Variants in EPG5 observed in about 807,000 individuals in gnomAD.
The protein encoded by EPG5 is ectopic P-granules 5 autophagy tethering factor.
Under a neutral mutation model 302.7 loss-of-function variants are expected in EPG5, and 159 were observed. The observed-to-expected ratio is 0.53, with a 90% confidence interval of 0.46 to 0.60. The LOEUF (loss-of-function observed/expected upper bound fraction) is 0.60. EPG5 is among the 20% of genes least tolerant of loss of function. The pLI is 0.00. For missense variants in EPG5, 2,896 were observed against 3,092.4 expected (o/e 0.94, Z 1.51); for synonymous variants, 1,158 against 1,136.8 (o/e 1.02, Z -0.37).
intron 5 of EPG5, among the ~76,000 whole-genome samples, chr18:45,949,196 A>C (rs1267046940): frequency 6.6e-6 from 1 of 152,142 alleles, no homozygotes; most frequent in South Asian, 2.1e-4. Flanking sequence ...ACGGGAAAAA[A>C]GTCCTGGTGA....
intron 36 of EPG5, chr18:45,868,073 C>T (rs1170994229): frequency 1.1e-5 from 5 of 474,470 alleles, no homozygotes; most frequent in Admixed American, 9.3e-5. Context: ...GGGAGTGTAT[C>T]AGAATCCTCA....
intron 3 of EPG5, among the ~76,000 whole-genome samples, 161 bp from the exon 4 acceptor site, chr18:45,951,399 A>G (rs58312765): frequency 3.3e-5 from 5 of 152,226 alleles, no homozygotes; most frequent in African/African-American, 9.6e-5. Context: ...ATAAACAGAC[A>G]AGTCAAAAAT....
At chr18:45,939,800 A>C in intron 9 of EPG5, 45 bp from the exon 10 acceptor site, 1 of 1,544,108 alleles carries the variant, frequency 6.5e-7, no homozygotes, top group Non-Finnish European at 8.9e-7. Flanking sequence ...TTAGCTCAAT[A>C]TCTGCACCTT....
At chr18:45,916,363 C>T in intron 18 of EPG5, 75 bp downstream of exon 18, 2 of 1,567,938 alleles carry the variant, frequency 1.3e-6, no homozygotes, top group Non-Finnish European at 1.7e-6. Context: ...TGACTAAAAC[C>T]TAAGTGTGCT....
chr18:45,967,256 C>T lies in EPG5; in HGVS notation c.-17G>A, dbSNP rs879032269. The T allele has an allele frequency of 1.9e-6, 3 of 1,579,512 alleles. No homozygotes were observed. The highest frequency in any genetic ancestry group is 2.3e-5 in the East Asian group (1 of 42,860). On this transcript the variant is annotated 5_prime_UTR_variant, in exon 1 of 44. Transcript: ENST00000282041. ...CTCGGCCATAGACCCTTCCGCGGCG[C>T]CGTCACCGTTTGTTTTTGTCAAACC...
intron 14 of EPG5, 87 bp downstream of exon 14, chr18:45,925,651 C>T (rs148205430): frequency 1.8e-6 from 2 of 1,081,842 alleles, no homozygotes; most frequent in African/African-American, 3.3e-5. Context: ...AAATGGTACT[C>T]AGAAATGTTA....
At position 45,922,379 on chromosome 18, in the gene EPG5, G is replaced by T; in HGVS notation, c.3060C>A (p.Gly1020=). ...CTGTCATAGATAAGGCTAGATAACA[G>T]CCAATGGGCATGCCCGCTTTCACAG... is the stretch of plus-strand genomic sequence containing the variant. The part of the protein sequence containing the change: ...LKAVKAGMPI[G]CYLALSMTAV... Residue 1020 remains glycine (G), a synonymous_variant, in exon 16 of 44, where the codon GGC becomes GGA. Transcript: ENST00000282041. The T allele has an allele frequency of 6.2e-7, 1 of 1,614,192 alleles. No individual in the cohort carries two copies. The highest frequency in any genetic ancestry group is 8.5e-7 in the Non-Finnish European group (1 of 1,180,046).
At position 45,930,254 on chromosome 18, in the gene EPG5, T is replaced by A. The variant is rs572665433; in HGVS notation, c.2412+422A>T. ...TTTTTGATGTGAGATGGCCAATTAA[T>A]AGCAGAGTTAAAACTCAGGTATCCT... On this transcript the variant is annotated intron_variant, in intron 12 of 43. Transcript: ENST00000282041. Among the ~76,000 whole-genome samples the A allele has an allele frequency of 2.2e-3, 332 of 152,306 alleles. 1 individual carries two copies. Among genetic ancestry groups the A allele is most frequent in the Non-Finnish European group, 3.9e-3 (268 of 68,024 alleles).
rs539106903 is a variant in EPG5 at position 45,876,908 on chromosome 18, C to T, written c.5943-566G>A. Among the ~76,000 whole-genome samples the T allele has an allele frequency of 1.1e-4, 16 of 152,164 alleles. No individual in the cohort carries two copies. The South Asian group carries it at 3.3e-3, about 32-fold the overall frequency. On this transcript the variant is annotated intron_variant, in intron 34 of 43. Coordinates refer to ENST00000282041, the MANE Select transcript of EPG5 (RefSeq NM_020964.3). ...AAGCAACTCTTCTGCATCAGCCTCCCGAGCAACTGGGGTTGCAGGCACCGA... is the reference window on the plus strand; with the variant it reads ...AAGCAACTCTTCTGCATCAGCCTCCTGAGCAACTGGGGTTGCAGGCACCGA...
the EPG5 span, among the ~76,000 whole-genome samples, chr18:45,813,185 T>C: frequency 4.6e-5 from 7 of 152,182 alleles, no homozygotes; most frequent in Non-Finnish European, 5.9e-5. Flanking sequence ...TGACTGGCCA[T>C]CAAAGAAATG....
chr18:45,911,127 AC>A (rs2049888649), intron 22 of EPG5, among the ~76,000 whole-genome samples: 1 of 149,702 alleles, frequency 6.7e-6, no homozygotes, highest in Non-Finnish European at 1.5e-5. Context: ...ATATATATAT[AC>A]ATTTTTTTTT....
intron 40 of EPG5, 102 bp from the exon 41 acceptor site, chr18:45,858,884 A>G: frequency 1.3e-6 from 1 of 792,018 alleles, no homozygotes; most frequent in Non-Finnish European, 2.1e-6. Flanking sequence ...TTTTTTTTTG[A>G]CATAGCAACC....
At chr18:45,944,271 T>C (rs537372823) in intron 7 of EPG5, 152 bp from the exon 8 acceptor site, 2 of 577,432 alleles carry the variant, frequency 3.5e-6, no homozygotes, top group East Asian at 2.8e-5. Context: ...CAGCAATTTA[T>C]AGTATCAGTT....
intron 39 of EPG5, among the ~76,000 whole-genome samples, chr18:45,861,652 G>A (rs537663237): frequency 6.6e-6 from 1 of 152,296 alleles, no homozygotes; most frequent in African/African-American, 2.4e-5. Flanking sequence ...GACTTGCCAG[G>A]CTGATGCTAA....
chr18:45,901,278 A>G (rs980170647), intron 25 of EPG5, 111 bp from the exon 26 acceptor site: 7 of 883,522 alleles, frequency 7.9e-6, no homozygotes, highest in Non-Finnish European at 1.0e-5. Flanking sequence ...TTATAGTCTT[A>G]CGATAGTTGA....
At chr18:45,837,066 C>T in the EPG5 span, 6 of 1,596,000 alleles carry the variant, frequency 3.8e-6, no homozygotes, top group African/African-American at 1.3e-5. Flanking sequence ...CTACGGAGAA[C>T]TTGCTCAACA....
chr18:45,951,703 C>G (rs2050913056), intron 3 of EPG5, among the ~76,000 whole-genome samples: 1 of 152,126 alleles, frequency 6.6e-6, no homozygotes, highest in Admixed American at 6.5e-5. Context: ...AAGTGATCCA[C>G]CCACCTCAGC....
intron 34 of EPG5, among the ~76,000 whole-genome samples, chr18:45,877,428 T>G (rs1050611214): frequency 4.0e-5 from 6 of 151,822 alleles, no homozygotes; most frequent in African/African-American, 1.5e-4. Context: ...TAAAAAAAAT[T>G]TTTTTTTATT....
intron 1 of EPG5, among the ~76,000 whole-genome samples, chr18:45,956,968 G>T (rs2051047578): frequency 6.6e-6 from 1 of 151,206 alleles, no homozygotes; most frequent in East Asian, 1.9e-4. Context: ...AGGAAGTTAG[G>T]CTGAATAAAG....
Sources: gnomAD v4.1 joint callset for allele counts (sites outside exome capture counted in the v4.1 genomes callset) on GRCh38, gnomAD v4.1.1 for gene constraint, MANE v1.5 for transcripts, NCBI Gene and HGNC (gene_info 2026-07-23, HGNC 2026-07-21) for gene names.